The following MALSU1 variants were observed in gnomAD, a reference collection of about 807,000 sequenced individuals.
The protein encoded by MALSU1 is mitochondrial assembly of ribosomal large subunit 1, also known as mitochondrial assembly of ribosomal large subunit protein 1.
Under a neutral mutation model 22.1 loss-of-function variants are expected in MALSU1, and 22 were observed. That is an observed-to-expected ratio of 1.00 (90% CI 0.71 to 1.42). The LOEUF is 1.42. Ranked by LOEUF, MALSU1 falls within the 40% of genes most tolerant of loss-of-function variation. The pLI is 0.00. For missense variants in MALSU1, 379 were observed against 308.3 expected (o/e 1.23, Z -1.72); for synonymous variants, 153 against 118.5 (o/e 1.29, Z -1.89).
Position 23,307,859 on chromosome 7 carries a change from T to G in MALSU1, c.436-9T>G. 6.2e-7 allele frequency: 1 copy of G among 1,608,850 alleles called. No homozygotes were observed. Among genetic ancestry groups the G allele is most frequent in the Non-Finnish European group, 8.5e-7 (1 of 1,175,882 alleles). ...CTCTCCCTTTAATAAACCACCTGGC[T>G]TTTTGCAGTACAAACACCTGAAATG... On this transcript the variant is annotated splice_polypyrimidine_tract_variant and intron_variant, in intron 2 of 3. Coordinates refer to ENST00000466681, the MANE Select transcript of MALSU1 (RefSeq NM_138446.2).
chr7:23,307,456 A>C (rs1330886546), intron 2 of MALSU1, among the ~76,000 whole-genome samples: 1 of 152,230 alleles, frequency 6.6e-6, no homozygotes, highest in African/African-American at 2.4e-5. Context: ...TCATAAAGGC[A>C]GATGAGATGA....
In MALSU1 at chr7:23,302,302, C is replaced by T. The variant is rs904493290; in HGVS notation, c.435+1285C>T. Among the ~76,000 whole-genome samples the T allele has an allele frequency of 1.7e-4, 26 of 152,312 alleles. 1 individual carries two copies. The highest frequency in any genetic ancestry group is 5.5e-4 in the African/African-American group (23 of 41,570). ...TGAGGAAGAAAGTACTTGGAAGCCTCTAGCTGACTCTGGTACCATTCCACG... is the reference window on the plus strand; with the variant it reads ...TGAGGAAGAAAGTACTTGGAAGCCTTTAGCTGACTCTGGTACCATTCCACG... On this transcript the variant is annotated intron_variant, in intron 2 of 3. Coordinates refer to ENST00000466681, the MANE Select transcript of MALSU1 (RefSeq NM_138446.2).
At position 23,302,616 on chromosome 7, in the gene MALSU1, T is replaced by C. The variant is rs540732927; in HGVS notation, c.435+1599T>C. Reference sequence around the variant, plus strand: ...ATGGAGTCAGAAGACTTAGTGACCATTGGACTTGCGGATGTAAAAAGAATG... The same window carrying C: ...ATGGAGTCAGAAGACTTAGTGACCACTGGACTTGCGGATGTAAAAAGAATG... On this transcript the variant is annotated intron_variant, in intron 2 of 3. Coordinates refer to ENST00000466681, the MANE Select transcript of MALSU1 (RefSeq NM_138446.2). Among the ~76,000 whole-genome samples, 7 of 152,258 alleles carry C rather than the reference T, an allele frequency of 4.6e-5. No homozygotes were observed. In the East Asian group the frequency reaches 5.8e-4, roughly 13 times the overall value.
Position 23,310,858 on chromosome 7 carries a change from CAA to C in MALSU1, c.*1318_*1319del, listed in dbSNP as rs1562660572. On this transcript the variant is annotated 3_prime_UTR_variant, in exon 4 of 4. Coordinates refer to ENST00000466681, the MANE Select transcript of MALSU1 (RefSeq NM_138446.2). ...AACATGACTGTGATCATCTTACAAA[CAA>C]AACTCAAAAAATCAATTCAGAGAGC... 2 of 151,738 alleles carry C rather than the reference CAA, an allele frequency of 1.3e-5. No individual in the cohort carries two copies. Among genetic ancestry groups the C allele is most frequent in the Admixed American group, 6.6e-5 (1 of 15,226 alleles). The allele number at this position is 151,738 out of a possible 1,614,324, so 9.4% of individuals were successfully genotyped here. A position where few individuals can be genotyped will look rare whatever the true frequency, so the allele number is the denominator to read the frequency against.
chr7:23,307,630 T>C (rs1783738353), intron 2 of MALSU1: 1 of 404,272 alleles, frequency 2.5e-6, no homozygotes, highest in South Asian at 4.9e-5. Context: ...GGTGAATGAA[T>C]GGGGTGACCC....
intron 2 of MALSU1, among the ~76,000 whole-genome samples, chr7:23,306,316 ATT>A (rs1783721863): frequency 6.6e-6 from 1 of 152,000 alleles, no homozygotes; most frequent in Non-Finnish European, 1.5e-5. Context: ...TGTGTGCTGA[ATT>A]TGTTTAGTAG....
chr7:23,305,458 T>C (rs1783711272), intron 2 of MALSU1, among the ~76,000 whole-genome samples: 1 of 150,904 alleles, frequency 6.6e-6, no homozygotes, highest in Non-Finnish European at 1.5e-5. Flanking sequence ...AGTGGCACAA[T>C]CTCGGCTCAC....
Position 23,299,519 on chromosome 7 carries a change from A to G in MALSU1, c.167A>G (p.Asn56Ser), listed in dbSNP as rs1197509330. The change falls in exon 1 of 4, where the codon AAC becomes AGC. Residue 56 changes from asparagine (N) to serine (S), a missense_variant. By Grantham distance (46) the Asn-to-Ser change is conservative. Transcript: ENST00000466681. ...AAFCRACQTP[N>S]FVRGLHSEPG... ...TTCTGCCGGGCTTGCCAGACCCCAAACTTTGTCCGCGGCCTGCACAGCGAG... is the reference window on the plus strand; with the variant it reads ...TTCTGCCGGGCTTGCCAGACCCCAAGCTTTGTCCGCGGCCTGCACAGCGAG... 1.9e-6 allele frequency: 3 copies of G among 1,612,712 alleles called. No homozygotes were observed. Among genetic ancestry groups the G allele is most frequent in the Non-Finnish European group, 2.5e-6 (3 of 1,179,822 alleles).
chr7:23,301,323 C>A (rs113662285), intron 2 of MALSU1: 2,936 of 198,342 alleles, frequency 0.015, 89 homozygotes, highest in African/African-American at 0.065. Context: ...TGCAATGGCG[C>A]GATCTCTGCT....
At chr7:23,303,397 C>T (rs546667402) in intron 2 of MALSU1, among the ~76,000 whole-genome samples, 12 of 152,186 alleles carry the variant, frequency 7.9e-5, no homozygotes, top group East Asian at 1.9e-4. Context: ...CTCTATCTTA[C>T]GTATATACCA....
intron 3 of MALSU1, among the ~76,000 whole-genome samples, chr7:23,309,073 A>T (rs1020441774): frequency 2.6e-5 from 4 of 152,208 alleles, no homozygotes; most frequent in African/African-American, 9.7e-5. Context: ...TTACCCATGG[A>T]GAATTGTCAC....
At chr7:23,307,340 C>G (rs1783734981) in intron 2 of MALSU1, among the ~76,000 whole-genome samples, 1 of 152,118 alleles carries the variant, frequency 6.6e-6, no homozygotes. Flanking sequence ...TGTCCTTTGT[C>G]TCTTGTAACA....
intron 2 of MALSU1, among the ~76,000 whole-genome samples, chr7:23,307,157 A>G (rs956426522): frequency 8.5e-5 from 13 of 152,222 alleles, no homozygotes; most frequent in Non-Finnish European, 1.6e-4. Context: ...ACAGTTGCTC[A>G]TAATACTCTT....
At chr7:23,301,958 ACT>A (rs1227092239) in intron 2 of MALSU1, among the ~76,000 whole-genome samples, 1 of 148,404 alleles carries the variant, frequency 6.7e-6, no homozygotes, top group Non-Finnish European at 1.5e-5. Context: ...ACAGAGCCAG[ACT>A]CTGTCTCAAA....
intron 3 of MALSU1, among the ~76,000 whole-genome samples, chr7:23,308,710 G>A (rs1783758532): frequency 6.6e-6 from 1 of 152,166 alleles, no homozygotes; most frequent in Non-Finnish European, 1.5e-5. Flanking sequence ...TCAGATGAGG[G>A]TGTCTAGGTT....
intron 2 of MALSU1, among the ~76,000 whole-genome samples, chr7:23,305,446 A>G (rs908481007): frequency 1.3e-5 from 2 of 148,828 alleles, no homozygotes; most frequent in Admixed American, 1.3e-4. Context: ...AGGCTGTAGT[A>G]CAGTGGCACA....
At chr7:23,303,791 A>T (rs1173433514) in intron 2 of MALSU1, among the ~76,000 whole-genome samples, 2 of 146,666 alleles carry the variant, frequency 1.4e-5, no homozygotes. Flanking sequence ...CCTGGGTGAC[A>T]GAGCAAGACG....
intron 2 of MALSU1, among the ~76,000 whole-genome samples, chr7:23,307,042 A>G (rs534669233): frequency 1.3e-5 from 2 of 152,230 alleles, no homozygotes; most frequent in African/African-American, 4.8e-5. Context: ...CAGTCCCCAT[A>G]CTAGTTATGG....
chr7:23,306,006 C>G (rs1276818097), intron 2 of MALSU1, among the ~76,000 whole-genome samples: 2 of 152,096 alleles, frequency 1.3e-5, no homozygotes, highest in Non-Finnish European at 2.9e-5. Flanking sequence ...ACCAGCCGCA[C>G]CAACATGGAG....
Sources: gnomAD v4.1 joint callset for allele counts (sites outside exome capture counted in the v4.1 genomes callset) on GRCh38, gnomAD v4.1.1 for gene constraint, MANE v1.5 for transcripts, NCBI Gene and HGNC (gene_info 2026-07-23, HGNC 2026-07-21) for gene names.